Variants in KLHL21 observed in about 807,000 individuals in gnomAD.
The protein encoded by KLHL21 is kelch like family member 21.
Under a neutral mutation model 44.1 loss-of-function variants are expected in KLHL21, and 42 were observed. The ratio of observed to expected loss-of-function variants is 0.95; its 90% CI spans 0.74 to 1.23. The LOEUF (loss-of-function observed/expected upper bound fraction) is 1.23, where lower values mean the gene tolerates loss of function less well. Ranked by LOEUF, KLHL21 falls within the 50% of genes most tolerant of loss-of-function variation. The probability of loss-of-function intolerance (pLI) is 0.00; values close to 1 mark genes in which losing one functional copy is unlikely to be tolerated. For synonymous variants in KLHL21, 524 were observed against 411.6 expected (o/e 1.27, Z -3.31); for missense variants, 918 against 889.1 (o/e 1.03, Z -0.41).
At position 6,601,861 on chromosome 1, in the gene KLHL21, C is replaced by T; in HGVS notation, c.957G>A (p.Glu319=). The T allele has an allele frequency of 6.3e-7, 1 of 1,579,172 alleles. No homozygotes were observed. The highest frequency in any genetic ancestry group is 8.6e-7 in the Non-Finnish European group (1 of 1,163,474). ...PQTGQWRYLA[E]FPDHLGGGYS... Reference sequence around the variant, plus strand: ...AGCCTCCGCCCAGGTGGTCTGGGAACTCGGCCAGGTAGCGCCACTGACCCG... The same window carrying T: ...AGCCTCCGCCCAGGTGGTCTGGGAATTCGGCCAGGTAGCGCCACTGACCCG... The change falls in exon 1 of 4, where the codon GAG becomes GAA. Residue 319 remains glutamate, a synonymous_variant. Transcript: ENST00000377658.
At chr1:6,600,770 G>C (rs943202008) in intron 1 of KLHL21, among the ~76,000 whole-genome samples, 1 of 152,222 alleles carries the variant, frequency 6.6e-6, no homozygotes, top group South Asian at 2.1e-4. Flanking sequence ...TTCAGAAGAG[G>C]GGAGGGACAC....
rs1313660551 is a variant in KLHL21 at position 6,601,820 on chromosome 1, A to G, written c.998T>C (p.Leu333Pro). 1.9e-6 allele frequency: 3 copies of G among 1,583,470 alleles called. No homozygotes were observed. Among genetic ancestry groups the G allele is most frequent in the East Asian group, 2.3e-5 (1 of 42,554 alleles). The change falls in exon 1 of 4, where the codon CTG (leucine) becomes CCG (proline). Residue 333 changes from leucine (L) to proline (P), a missense_variant. Physicochemically the swap from Leu to Pro is moderately conservative, Grantham distance 98. Transcript: ENST00000377658. ...ACCCGTCACGTAGATGTCATTGCCC[A>G]GCGCCACGATGCTGTAGCCTCCGCC... is the stretch of plus-strand genomic sequence containing the variant. ...HLGGGYSIVA[L>P]GNDIYVTGGS...
At position 6,601,811 on chromosome 1, in the gene KLHL21, T is replaced by A; in HGVS notation, c.1007A>T (p.Asp336Val). 1 of 1,580,332 alleles carries A rather than the reference T, an allele frequency of 6.3e-7. No individual in the cohort carries two copies. The highest frequency in any genetic ancestry group is 8.6e-7 in the Non-Finnish European group (1 of 1,162,708). ...GGCCCACTCACCCGTCACGTAGATG[T>A]CATTGCCCAGCGCCACGATGCTGTA... is the stretch of plus-strand genomic sequence containing the variant. ...GGYSIVALGN[D>V]IYVTGGSDGS... The change falls in exon 1 of 4, where the codon GAC becomes GTC. Residue 336 changes from aspartate (D) to valine (V), a missense_variant. By Grantham distance (152) the Asp-to-Val change is radical. Coordinates refer to ENST00000377658, the MANE Select transcript of KLHL21 (RefSeq NM_014851.4).
chr1:6,602,726 T>A lies in KLHL21; in HGVS notation c.92A>T (p.Glu31Val). ...LLRGLSQLRAERKFLDVTLEA... is the reference protein window; with the variant it reads ...LLRGLSQLRAVRKFLDVTLEA... ...CAGGGTCACGTCCAGGAACTTGCGCTCGGCGCGCAGCTGGCTCAGGCCGCG... is the reference window on the plus strand; with the variant it reads ...CAGGGTCACGTCCAGGAACTTGCGCACGGCGCGCAGCTGGCTCAGGCCGCG... The change falls in exon 1 of 4, where the codon GAG becomes GTG. Residue 31 changes from glutamate (E) to valine (V), a missense_variant. Transcript: ENST00000377658. 1 of 1,511,434 alleles carries A rather than the reference T, an allele frequency of 6.6e-7. No individual in the cohort carries two copies. The highest frequency in any genetic ancestry group is 8.8e-7 in the Non-Finnish European group (1 of 1,137,510). 93.6% of individuals were successfully genotyped at this position (1,511,434 alleles called of 1,614,324 possible). A position where few individuals can be genotyped will look rare whatever the true frequency, so the allele number is the denominator to read the frequency against.
rs1019285969 is a variant in KLHL21 at position 6,602,353 on chromosome 1, G to A, written c.465C>T (p.Ser155=). ...GGCGCAGAATGAACCGCTGCGCCGCGCTCGCCAGTCCCGAGCAGCTGAAGG... is the reference window on the plus strand; with the variant it reads ...GGCGCAGAATGAACCGCTGCGCCGCACTCGCCAGTCCCGAGCAGCTGAAGG... ...AEAFSCSGLA[S]AAQRFILRHV... is the part of the protein sequence containing the mutation. The change falls in exon 1 of 4, where the codon AGC becomes AGT. Residue 155 remains serine (S), a synonymous_variant. Transcript: ENST00000377658. 6.4e-7 allele frequency: 1 copy of A among 1,566,962 alleles called. No individual in the cohort carries two copies. Among genetic ancestry groups the A allele is most frequent in the Non-Finnish European group, 8.6e-7 (1 of 1,161,770 alleles).
chr1:6,602,672 G>A lies in KLHL21; in HGVS notation c.146C>T (p.Ala49Val), dbSNP rs1232307954. Residue 49 changes from alanine to valine, a missense_variant, in exon 1 of 4, where the codon GCG becomes GTG. Physicochemically the swap from Ala to Val is moderately conservative, Grantham distance 64. Coordinates refer to ENST00000377658, the MANE Select transcript of KLHL21 (RefSeq NM_014851.4). ...LEAAGGRDFP[A>V]HRAVLAAASP... ...GGCGGCGGCCAGCACCGCACGGTGC[G>A]CCGGGAAGTCGCGCCCGCCCGCCGC... is the stretch of plus-strand genomic sequence containing the variant. 6.6e-6 allele frequency: 10 copies of A among 1,511,702 alleles called. No homozygotes were observed. In the Admixed American group the frequency reaches 1.8e-4, roughly 28 times the overall value. 93.6% of individuals were successfully genotyped at this position (1,511,702 alleles called of 1,614,324 possible).
chr1:6,594,252 G>C, intron 3 of KLHL21: 1 of 196,536 alleles, frequency 5.1e-6, no homozygotes, highest in Non-Finnish European at 9.2e-6. Flanking sequence ...AATATGATGT[G>C]TACCTCAGAC....
rs769490471 is a variant in KLHL21, at chr1:6,602,366, G to A, written c.452C>T (p.Ser151Leu). The change falls in exon 1 of 4, where the codon TCG becomes TTG. Residue 151 changes from serine to leucine, a missense_variant. Coordinates refer to ENST00000377658, the MANE Select transcript of KLHL21 (RefSeq NM_014851.4). ...CCGCTGCGCCGCGCTCGCCAGTCCC[G>A]AGCAGCTGAAGGCCTCAGCGAAGTC... Reference protein sequence around the residue: ...MQDFAEAFSCSGLASAAQRFI... With the variant: ...MQDFAEAFSCLGLASAAQRFI... 15 of 1,580,520 alleles carry A rather than the reference G, an allele frequency of 9.5e-6. No homozygotes were observed. In the South Asian group the frequency reaches 1.5e-4, roughly 16 times the overall value.
rs749497823 is a variant in KLHL21 at position 6,593,329 on chromosome 1, T to TA, written c.*35dup. ...GGCACTGCCCCGCAGAGGTGCCAGTTACCTGCACCGAGGCCCGTGCCGGGC... is the reference window on the plus strand; with the variant it reads ...GGCACTGCCCCGCAGAGGTGCCAGTTAACCTGCACCGAGGCCCGTGCCGGGC... On this transcript the variant is annotated 3_prime_UTR_variant, in exon 4 of 4. Coordinates refer to ENST00000377658, the MANE Select transcript of KLHL21 (RefSeq NM_014851.4). 1.3e-5 allele frequency: 20 copies of TA among 1,532,136 alleles called. No individual in the cohort carries two copies. The highest frequency in any genetic ancestry group is 2.3e-4 in the Middle Eastern group (1 of 4,386). 94.9% of individuals were successfully genotyped at this position (1,532,136 alleles called of 1,614,324 possible). A position where few individuals can be genotyped will look rare whatever the true frequency, so the allele number is the denominator to read the frequency against.
chr1:6,602,511 C>T lies in KLHL21; in HGVS notation c.307G>A (p.Gly103Ser). 2 of 1,544,358 alleles carry T rather than the reference C, an allele frequency of 1.3e-6. No individual in the cohort carries two copies. Among genetic ancestry groups the T allele is most frequent in the East Asian group, 2.4e-5 (1 of 41,280 alleles). ...CGCAGCAGCGGCTCAGCGTTGTCGC[C>T]GCTTACCGCCACGCGGCCCGTGTAG... ...FSYTGRVAVS[G>S]DNAEPLLRAA... is the part of the protein sequence containing the mutation. The change falls in exon 1 of 4, where the codon GGC becomes AGC. Residue 103 changes from glycine (G) to serine (S), a missense_variant. Gly to Ser is a moderately conservative substitution (Grantham distance 56). Transcript: ENST00000377658.
In KLHL21 at chr1:6,593,514, G is replaced by C. The variant is rs1389205539; in HGVS notation, c.1645C>G (p.Pro549Ala). 1.2e-6 allele frequency: 2 copies of C among 1,613,724 alleles called. No homozygotes were observed. The highest frequency in any genetic ancestry group is 1.7e-6 in the Non-Finnish European group (2 of 1,180,016). ...AWSVVGRLPE[P>A]TFWHGSVSIF... Reference sequence around the variant, plus strand: ...CTGACACTGCCATGCCAGAAGGTGGGTTCTGGGAGCCGCCCCACCACGCTC... The same window carrying C: ...CTGACACTGCCATGCCAGAAGGTGGCTTCTGGGAGCCGCCCCACCACGCTC... Residue 549 changes from proline to alanine, a missense_variant, in exon 4 of 4, where the codon CCC becomes GCC. Coordinates refer to ENST00000377658, the MANE Select transcript of KLHL21 (RefSeq NM_014851.4).
chr1:6,593,628 C>A lies in KLHL21; in HGVS notation c.1531G>T (p.Gly511Trp). The A allele has an allele frequency of 6.3e-7, 1 of 1,592,730 alleles. No homozygotes were observed. The highest frequency in any genetic ancestry group is 8.6e-7 in the Non-Finnish European group (1 of 1,166,524). Residue 511 changes from glycine (G) to tryptophan (W), a missense_variant, in exon 4 of 4, where the codon GGG becomes TGG. Physicochemically the swap from Gly to Trp is radical, Grantham distance 184. Coordinates refer to ENST00000377658, the MANE Select transcript of KLHL21 (RefSeq NM_014851.4). ...CCCCCAGAGACGTACAGCTTCCCCC[C>A]AAGGACGGCCAGGCTGCCCCCCACA... ...VHVGGSLAVL[G>W]GKLYVSGGYD... is the part of the protein sequence containing the mutation.
Position 6,602,547 on chromosome 1 carries a change from G to A in KLHL21, c.271C>T (p.Leu91=). Residue 91 remains leucine, a synonymous_variant, in exon 1 of 4, where the codon CTG becomes TTG. Transcript: ENST00000377658. The part of the protein sequence containing the change: ...GVPPDMLQLL[L]DFSYTGRVAV... Reference sequence around the variant, plus strand: ...ACGCGGCCCGTGTAGCTGAAGTCCAGCAGCAGCTGCAGCATGTCGGGAGGC... The same window carrying A: ...ACGCGGCCCGTGTAGCTGAAGTCCAACAGCAGCTGCAGCATGTCGGGAGGC... 1 of 1,537,126 alleles carries A rather than the reference G, an allele frequency of 6.5e-7. No homozygotes were observed. The highest frequency in any genetic ancestry group is 8.7e-7 in the Non-Finnish European group (1 of 1,146,900).
At chr1:6,598,810 A>G (rs909819851) in intron 2 of KLHL21, among the ~76,000 whole-genome samples, 3 of 152,144 alleles carry the variant, frequency 2.0e-5, no homozygotes, top group Admixed American at 6.5e-5. Context: ...GTGAACCCGG[A>G]AGGTGGAGCT....
rs1348106406 is a variant in KLHL21, at chr1:6,601,860, A to G, written c.958T>C (p.Phe320Leu). ...TAGCCTCCGCCCAGGTGGTCTGGGA[A>G]CTCGGCCAGGTAGCGCCACTGACCC... The part of the protein sequence containing the change: ...QTGQWRYLAE[F>L]PDHLGGGYSI... The change falls in exon 1 of 4, where the codon TTC (phenylalanine) becomes CTC (leucine). Residue 320 changes from phenylalanine (F) to leucine (L), a missense_variant. Physicochemically the swap from Phe to Leu is conservative, Grantham distance 22. Transcript: ENST00000377658. 3 of 1,579,300 alleles carry G rather than the reference A, an allele frequency of 1.9e-6. No homozygotes were observed. The highest frequency in any genetic ancestry group is 2.6e-6 in the Non-Finnish European group (3 of 1,163,652).
In KLHL21 at chr1:6,599,202, G is replaced by A. The variant is rs1237607656; in HGVS notation, c.1272C>T (p.Leu424=). The A allele has an allele frequency of 3.7e-6, 6 of 1,614,046 alleles. No homozygotes were observed. The African/African-American group carries it at 8.0e-5, about 22-fold the overall frequency. The change falls in exon 2 of 4, where the codon CTC becomes CTT. Residue 424 remains leucine (L), a synonymous_variant. Transcript: ENST00000377658. ...TGCCAGCCAGGGAGCCGATGGCATA[G>A]AGCCGGCCACGGCACGCAGTGGTGG... ...NCSTTACRGR[L]YAIGSLAGKE...
chr1:6,601,769 G>C (rs776867663), intron 1 of KLHL21, 28 bp downstream of exon 1: 1 of 1,526,142 alleles, frequency 6.6e-7, no homozygotes, highest in East Asian at 2.5e-5. Flanking sequence ...CAACCCCAGA[G>C]AGCCTGCCCA....
Position 6,601,881 on chromosome 1 carries a change from GA to G in KLHL21, c.936del (p.Gln313SerfsTer27). 1 of 1,572,024 alleles carries G rather than the reference GA, an allele frequency of 6.4e-7. No homozygotes were observed. Among genetic ancestry groups the G allele is most frequent in the Non-Finnish European group, 8.6e-7 (1 of 1,159,562 alleles). On this transcript the variant is annotated frameshift_variant, in exon 1 of 4. Coordinates refer to ENST00000377658, the MANE Select transcript of KLHL21 (RefSeq NM_014851.4). LOFTEE classifies it high-confidence loss of function. ...VTVDCYNPQT[G>X]QWRYLAEFPD... Reference sequence around the variant, plus strand: ...GGGAACTCGGCCAGGTAGCGCCACTGACCCGTCTGCGGGTTGTAGCAGTCGA... The same window carrying G: ...GGGAACTCGGCCAGGTAGCGCCACTGCCCGTCTGCGGGTTGTAGCAGTCGA...
In KLHL21 at chr1:6,593,554, T is replaced by C; in HGVS notation, c.1605A>G (p.Pro535=). 6.2e-7 allele frequency: 1 copy of C among 1,613,972 alleles called. No individual in the cohort carries two copies. Among genetic ancestry groups the C allele is most frequent in the South Asian group, 1.1e-5 (1 of 91,092 alleles). ...CCACCACGCTCCACGCGCGAGTCTC[T>C]GGGTCATAGGCCTCTACCACGTCCG... ...ELSDVVEAYD[P]ETRAWSVVGR... The change falls in exon 4 of 4, where the codon CCA becomes CCG. Residue 535 remains proline, a synonymous_variant. Coordinates refer to ENST00000377658, the MANE Select transcript of KLHL21 (RefSeq NM_014851.4).
Sources: gnomAD v4.1 joint callset for allele counts (sites outside exome capture counted in the v4.1 genomes callset) on GRCh38, gnomAD v4.1.1 for gene constraint, MANE v1.5 for transcripts, NCBI Gene and HGNC (gene_info 2026-07-23, HGNC 2026-07-21) for gene names.